The following ZSWIM4 variants were observed in gnomAD, a reference collection of about 807,000 sequenced individuals.
The protein encoded by ZSWIM4 is zinc finger SWIM-type containing 4, also known as zinc finger SWIM domain-containing protein 4.
A neutral mutation model predicts 102.5 loss-of-function variants in ZSWIM4; 62 were observed. The observed-to-expected ratio is 0.60, with a 90% CI of 0.49 to 0.75. The LOEUF is 0.75. ZSWIM4 is among the 30% of genes least tolerant of loss of function. The pLI, the probability that ZSWIM4 is intolerant of heterozygous loss-of-function variation, is 0.00. For synonymous variants in ZSWIM4, 652 were observed against 674.5 expected (o/e 0.97, Z 0.52); for missense variants, 1,280 against 1,529.6 (o/e 0.84, Z 2.72).
rs1975763252 is a variant in ZSWIM4 at position 13,831,359 on chromosome 19, G to T, written c.*309G>T. 3 of 296,382 alleles carry T rather than the reference G, an allele frequency of 1.0e-5. No individual in the cohort carries two copies. Among genetic ancestry groups the T allele is most frequent in the Non-Finnish European group, 1.9e-5 (3 of 159,798 alleles). 18.4% of individuals were successfully genotyped at this position (296,382 alleles called of 1,614,324 possible). A position where few individuals can be genotyped will look rare whatever the true frequency, so the allele number is the denominator to read the frequency against. On this transcript the variant is annotated 3_prime_UTR_variant, in exon 14 of 14. Coordinates refer to ENST00000590508, the MANE Select transcript of ZSWIM4 (RefSeq NM_001367834.3). ...AGGCAAACTCCCCTTACCCAGACTG[G>T]CTTGGGCTCCAGGAGGGAGGCTGGG...
At chr19:13,829,132 GAAGC>G (rs1768047820) in intron 13 of ZSWIM4, among the ~76,000 whole-genome samples, 1 of 150,906 alleles carries the variant, frequency 6.6e-6, no homozygotes, top group South Asian at 2.1e-4. Flanking sequence ...GAGAGAGAGA[GAAGC>G]AAGCCAGGCA....
intron 1 of ZSWIM4, 91 bp from the exon 2 acceptor site, chr19:13,799,628 CT>C (rs1167458608): frequency 6.1e-6 from 8 of 1,304,176 alleles, no homozygotes; most frequent in Non-Finnish European, 7.8e-6. Context: ...TGGTCTCGAA[CT>C]CTTGGCCTCA....
At chr19:13,823,638 G>C (rs560647215) in intron 11 of ZSWIM4, 138 bp downstream of exon 11, 10 of 1,042,418 alleles carry the variant, frequency 9.6e-6, no homozygotes, top group Non-Finnish European at 1.4e-5. Context: ...TATATGTACC[G>C]GACACTGTCT....
chr19:13,798,514 CT>C (rs1481328455), intron 1 of ZSWIM4, among the ~76,000 whole-genome samples: 1 of 152,182 alleles, frequency 6.6e-6, no homozygotes, highest in Non-Finnish European at 1.5e-5. Flanking sequence ...GTGGGAAGAT[CT>C]CACAACAGAA....
chr19:13,818,372 C>A (rs189416930), intron 9 of ZSWIM4, among the ~76,000 whole-genome samples: 1 of 152,166 alleles, frequency 6.6e-6, no homozygotes, highest in African/African-American at 2.4e-5. Flanking sequence ...GAGACTCCGT[C>A]CCCTAGCGCT....
In ZSWIM4 at chr19:13,817,897, G is replaced by A; in HGVS notation, c.1845G>A (p.Leu615=). The A allele has an allele frequency of 6.5e-7, 1 of 1,549,068 alleles. No homozygotes were observed. Among genetic ancestry groups the A allele is most frequent in the Non-Finnish European group, 8.7e-7 (1 of 1,145,880 alleles). The part of the protein sequence containing the change: ...QDKVVRNEEQ[L]LALLEEVELD... ...AGGTGGTGCGCAACGAGGAGCAGCTGCTGGCCCTGCTGGAGGAGGTGGAGT... is the reference window on the plus strand; with the variant it reads ...AGGTGGTGCGCAACGAGGAGCAGCTACTGGCCCTGCTGGAGGAGGTGGAGT... The change falls in exon 9 of 14, where the codon CTG becomes CTA. Residue 615 remains leucine (L), a synonymous_variant. Coordinates refer to ENST00000590508, the MANE Select transcript of ZSWIM4 (RefSeq NM_001367834.3).
chr19:13,806,192 A>T (rs1350677304), intron 3 of ZSWIM4, among the ~76,000 whole-genome samples: 1 of 151,166 alleles, frequency 6.6e-6, no homozygotes, highest in Non-Finnish European at 1.5e-5. Context: ...ACAGATGCAC[A>T]CCATCATGCC....
chr19:13,826,555 A>G (rs2145375106), intron 12 of ZSWIM4, among the ~76,000 whole-genome samples: 2 of 152,162 alleles, frequency 1.3e-5, no homozygotes, highest in South Asian at 4.2e-4. Context: ...TCACGAGGCC[A>G]GGAGTTCGAG....
rs1185099065 is a variant in ZSWIM4, at chr19:13,823,390, C to T, written c.2105C>T (p.Pro702Leu). ...GCATTTCCTGCTGGAGAACCTCATC[C>T]CAGCCCGCTGGACTCCATCATGAGC... ...ETAFPAGEPH[P>L]SPLDSIMSNR... The change falls in exon 11 of 14, where the codon CCC becomes CTC. Residue 702 changes from proline to leucine, a missense_variant. Physicochemically the swap from Pro to Leu is moderately conservative, Grantham distance 98. Coordinates refer to ENST00000590508, the MANE Select transcript of ZSWIM4 (RefSeq NM_001367834.3). 19 of 1,613,976 alleles carry T rather than the reference C, an allele frequency of 1.2e-5. No homozygotes were observed. Among genetic ancestry groups the T allele is most frequent in the Non-Finnish European group, 1.6e-5 (19 of 1,179,948 alleles).
At chr19:13,826,564 A>T (rs979807167) in intron 12 of ZSWIM4, among the ~76,000 whole-genome samples, 2 of 152,060 alleles carry the variant, frequency 1.3e-5, no homozygotes, top group Non-Finnish European at 2.9e-5. Flanking sequence ...CAGGAGTTCG[A>T]GACCAGCCTG....
chr19:13,816,205 A>C (rs1236190718), intron 7 of ZSWIM4, among the ~76,000 whole-genome samples: 1 of 152,030 alleles, frequency 6.6e-6, no homozygotes, highest in Non-Finnish European at 1.5e-5. Context: ...GAACGAAGAA[A>C]AGTGTGTCGT....
At chr19:13,803,829 G>A (rs574996663) in intron 2 of ZSWIM4, among the ~76,000 whole-genome samples, 1 of 133,306 alleles carries the variant, frequency 7.5e-6, no homozygotes, top group Non-Finnish European at 1.6e-5. Flanking sequence ...AAAAAAGCAA[G>A]TGTTTACTTA....
Position 13,825,486 on chromosome 19 carries a change from G to A in ZSWIM4, c.2216-64G>A. 3.2e-6 allele frequency: 5 copies of A among 1,570,592 alleles called. No individual in the cohort carries two copies. Among genetic ancestry groups the A allele is most frequent in the Admixed American group, 1.7e-5 (1 of 58,312 alleles). ...GGAAGGATCTGTGTGAACAGGTCGG[G>A]TGGTGGTCAGAGGCTGGTGCTGAGG... On this transcript the variant is annotated intron_variant, in intron 11 of 13. Transcript: ENST00000590508. This position sits in a 1 kb window ranked among gnomAD's most constrained non-coding sequence, Gnocchi z 4.6.
intron 1 of ZSWIM4, among the ~76,000 whole-genome samples, chr19:13,798,530 A>G (rs1186076818): frequency 2.0e-5 from 3 of 152,156 alleles, no homozygotes; most frequent in Non-Finnish European, 4.4e-5. Flanking sequence ...ACAGAATCCC[A>G]AGACCCTGCA....
At chr19:13,808,761 A>G in intron 3 of ZSWIM4, 75 bp from the exon 4 acceptor site, 3 of 1,192,380 alleles carry the variant, frequency 2.5e-6, no homozygotes, top group Non-Finnish European at 2.2e-6. Flanking sequence ...AAAAAAAAAA[A>G]GGACAGCTCT....
intron 6 of ZSWIM4, among the ~76,000 whole-genome samples, chr19:13,813,920 CAAAA>C (rs34407290): frequency 3.0e-5 from 3 of 100,520 alleles, no homozygotes; most frequent in African/African-American, 6.5e-5. Flanking sequence ...GACCCTGTCT[CAAAA>C]AAAAAAAAAA....
intron 5 of ZSWIM4, among the ~76,000 whole-genome samples, chr19:13,810,909 C>CTT (rs58776366): frequency 1.7e-3 from 161 of 94,090 alleles, no homozygotes; most frequent in Non-Finnish European, 2.3e-3. Context: ...CACGCCCAGC[C>CTT]TTTTTTTTTT....
chr19:13,815,950 TAA>T (rs1172573879), intron 7 of ZSWIM4, among the ~76,000 whole-genome samples: 4 of 75,304 alleles, frequency 5.3e-5, no homozygotes, highest in Admixed American at 1.5e-4. Flanking sequence ...CTCAAAAAAT[TAA>T]AAAAAAAAAA....
intron 3 of ZSWIM4, among the ~76,000 whole-genome samples, chr19:13,806,919 T>C (rs1974934176): frequency 6.6e-6 from 1 of 151,430 alleles, no homozygotes; most frequent in Admixed American, 6.6e-5. Context: ...TTGTGTAGGG[T>C]GGATGGATGG....
Sources: gnomAD v4.1 joint callset for allele counts (sites outside exome capture counted in the v4.1 genomes callset) on GRCh38, gnomAD v4.1.1 for gene constraint, Gnocchi (gnomAD v3.1) non-coding constraint, MANE v1.5 for transcripts, NCBI Gene and HGNC (gene_info 2026-07-23, HGNC 2026-07-21) for gene names.